Variants in CACNA1C observed in about 807,000 individuals in gnomAD.
CACNA1C encodes the protein calcium voltage-gated channel subunit alpha1 C, also known as voltage-dependent L-type calcium channel subunit alpha-1C.
In CACNA1C, 30 loss-of-function variants were observed where a neutral mutation model predicts 229.0. The observed-to-expected ratio is 0.13, with a 90% CI of 0.10 to 0.18. The LOEUF (loss-of-function observed/expected upper bound fraction) is 0.18. CACNA1C is among the 10% of genes least tolerant of loss of function. CACNA1C has a pLI of 1.00. For synonymous variants in CACNA1C, 1,114 were observed against 1,132.5 expected, an observed-to-expected ratio of 0.98 and a Z score of 0.33; for missense variants, 1,658 against 2,845.0, an observed-to-expected ratio of 0.58 and a Z score of 9.49.
At chr12:1,984,955 C>A (rs954341091) in intron 1 of CACNA1C, among the ~76,000 whole-genome samples, 1 of 151,104 alleles carries the variant, frequency 6.6e-6, no homozygotes, top group Non-Finnish European at 1.5e-5. Context: ...TACATAATTT[C>A]TGATAAGAAA....
At chr12:2,289,551 C>A (rs779488411) in intron 3 of CACNA1C, among the ~76,000 whole-genome samples, 22 of 152,264 alleles carry the variant, frequency 1.4e-4, no homozygotes, top group African/African-American at 5.3e-4. Context: ...GAAATTCATT[C>A]ATGCCACAAA....
intron 3 of CACNA1C, among the ~76,000 whole-genome samples, chr12:2,176,303 G>A (rs368703356): frequency 2.0e-5 from 3 of 152,042 alleles, no homozygotes; most frequent in African/African-American, 7.2e-5. Context: ...GGTAGGAGAC[G>A]GGCCTAGAGA....
rs1394852756 is a variant in CACNA1C at position 2,172,207 on chromosome 12, G to A, written c.477+51777G>A. ...GAAGCAACCAGGAGCTTGAGCGCAG[G>A]GAAGTAAAGCTCATTATCACCTCAG... On this transcript the variant is annotated intron_variant, in intron 3 of 46. Coordinates refer to ENST00000399655, the MANE Select transcript of CACNA1C (RefSeq NM_000719.7). Among the ~76,000 whole-genome samples the A allele has an allele frequency of 2.6e-5, 4 of 152,292 alleles. No homozygotes were observed. The East Asian group carries it at 7.7e-4, about 29-fold the overall frequency.
intron 3 of CACNA1C, among the ~76,000 whole-genome samples, chr12:2,397,586 G>C (rs565877300): frequency 6.6e-6 from 1 of 152,368 alleles, no homozygotes; most frequent in Admixed American, 6.5e-5. Flanking sequence ...ATGGTAATCA[G>C]GCTTGTGGTT....
At chr12:2,349,164 G>T (rs1567177702) in intron 3 of CACNA1C, among the ~76,000 whole-genome samples, 1 of 152,216 alleles carries the variant, frequency 6.6e-6, no homozygotes, top group Admixed American at 6.5e-5. Context: ...CACGGGAGGG[G>T]TCTGCTCTAA....
chr12:2,628,980 A>G (rs1334245029), intron 29 of CACNA1C, among the ~76,000 whole-genome samples: 1 of 152,222 alleles, frequency 6.6e-6, no homozygotes, highest in Non-Finnish European at 1.5e-5. Context: ...GAGTCGGTAT[A>G]AAGAATAGGC....
intron 3 of CACNA1C, among the ~76,000 whole-genome samples, chr12:2,412,502 C>T (rs959588002): frequency 1.1e-4 from 17 of 152,292 alleles, no homozygotes; most frequent in African/African-American, 3.8e-4. Context: ...GACAGGCGCC[C>T]CCGCGGCCAG....
chr12:2,431,787 A>G (rs2099087797), intron 3 of CACNA1C, among the ~76,000 whole-genome samples: 1 of 152,192 alleles, frequency 6.6e-6, no homozygotes. Flanking sequence ...GAGTCCCCCA[A>G]GCAGGTGGAG....
chr12:2,141,382 C>G (rs978693671), intron 3 of CACNA1C, among the ~76,000 whole-genome samples: 3 of 151,170 alleles, frequency 2.0e-5, no homozygotes, highest in Non-Finnish European at 4.4e-5. Flanking sequence ...GGCCAGAGCT[C>G]ACTGGGGAAG....
At position 2,348,955 on chromosome 12, in the gene CACNA1C, A is replaced by G. The variant is rs1297404480; in HGVS notation, c.478-100021A>G. ...GGCAGGCATCGACTGGCTAACTGGT[A>G]TGATACTTTGGAGTTCAGTTAGCCC... On this transcript the variant is annotated intron_variant, in intron 3 of 46. Coordinates refer to ENST00000399655, the MANE Select transcript of CACNA1C (RefSeq NM_000719.7). This position sits in a 1 kb window ranked among gnomAD's most constrained non-coding sequence, Gnocchi z 4.7. Among the ~76,000 whole-genome samples the G allele has an allele frequency of 2.6e-5, 4 of 152,172 alleles. No homozygotes were observed. The highest frequency in any genetic ancestry group is 3.9e-4 in the East Asian group (2 of 5,194).
intron 1 of CACNA1C, among the ~76,000 whole-genome samples, chr12:2,074,068 T>C (rs924638201): frequency 3.3e-5 from 5 of 152,216 alleles, no homozygotes; most frequent in African/African-American, 1.2e-4. Flanking sequence ...GCTTAGGTTG[T>C]ATTTTATACA....
rs551355331 is a variant in CACNA1C, at chr12:2,680,395, C to A, written c.5444+599C>A. On this transcript the variant is annotated intron_variant, in intron 42 of 46. Transcript: ENST00000399655. ...TGCTGTGACATGCTGGATGGTGGGA[C>A]CTTCCCTCCCGCCCTGGGCCCCCGC... The A allele has an allele frequency of 1.9e-4, 300 of 1,559,234 alleles. No homozygotes were observed. The highest frequency in any genetic ancestry group is 5.0e-4 in the Middle Eastern group (3 of 5,992).
chr12:2,036,537 C>T (rs2049169991), intron 1 of CACNA1C, among the ~76,000 whole-genome samples: 1 of 152,040 alleles, frequency 6.6e-6, no homozygotes, highest in African/African-American at 2.4e-5. Flanking sequence ...GCGATGTTGG[C>T]TCACTGCAAC....
chr12:2,564,606 G>C (rs1235336754), intron 11 of CACNA1C, among the ~76,000 whole-genome samples: 1 of 152,106 alleles, frequency 6.6e-6, no homozygotes, highest in East Asian at 1.9e-4. Context: ...TCTGCCTGGA[G>C]CTCTACTCCC....
intron 1 of CACNA1C, among the ~76,000 whole-genome samples, chr12:2,056,532 G>A (rs909116893): frequency 2.6e-5 from 4 of 152,314 alleles, no homozygotes; most frequent in Middle Eastern, 3.4e-3. Context: ...ATGTGTTTGG[G>A]GAGTGCAAGA....
intron 5 of CACNA1C, among the ~76,000 whole-genome samples, chr12:2,480,410 C>A (rs1212907119): frequency 6.6e-6 from 1 of 152,226 alleles, no homozygotes; most frequent in African/African-American, 2.4e-5. Flanking sequence ...TATTCTGCTT[C>A]TTTAAGGCTC....
At chr12:2,564,575 A>G (rs1056148802) in intron 11 of CACNA1C, among the ~76,000 whole-genome samples, 1 of 151,876 alleles carries the variant, frequency 6.6e-6, no homozygotes, top group African/African-American at 2.4e-5. Flanking sequence ...TAAGCACCCC[A>G]TTTTTCTCAT....
At chr12:2,430,594 A>G (rs57906526) in intron 3 of CACNA1C, among the ~76,000 whole-genome samples, 27,728 of 151,994 alleles carry the variant, frequency 0.18, 4,567 homozygotes, top group African/African-American at 0.44. Flanking sequence ...CCGAGCATGT[A>G]TGAGACCCAA....
chr12:2,539,146 T>TA (rs2099862971), intron 9 of CACNA1C, among the ~76,000 whole-genome samples: 3 of 152,234 alleles, frequency 2.0e-5, no homozygotes, highest in Admixed American at 6.5e-5. Flanking sequence ...GCCTGTGCCG[T>TA]AGGGGTATGT....
Sources: allele counts gnomAD v4.1 joint callset (sites outside exome capture counted in the v4.1 genomes callset), GRCh38; gene constraint gnomAD v4.1.1; non-coding constraint Gnocchi (gnomAD v3.1); transcripts MANE v1.5; gene names NCBI Gene and HGNC (gene_info 2026-07-23, HGNC 2026-07-21).